RAD17: variants seen among roughly 807,000 people sequenced by gnomAD.
RAD17 encodes the protein RAD17 checkpoint clamp loader component, also known as cell cycle checkpoint protein RAD17.
Under a neutral mutation model 81.5 loss-of-function variants are expected in RAD17, and 31 were observed. The observed-to-expected ratio is 0.38, with a 90% CI of 0.29 to 0.51. RAD17 has a LOEUF of 0.51. Among genes scored for constraint, RAD17 ranks in the 20% least tolerant of loss-of-function variants. RAD17 has a pLI of 0.88. For missense variants in RAD17, 681 were observed against 781.2 expected, an observed-to-expected ratio of 0.87 and a Z score of 1.53; for synonymous variants, 261 against 266.2, an observed-to-expected ratio of 0.98 and a Z score of 0.19.
intron 12 of RAD17, among the ~76,000 whole-genome samples, chr5:69,390,955 A>AT (rs928397882): frequency 6.7e-6 from 1 of 148,770 alleles, no homozygotes; most frequent in Non-Finnish European, 1.5e-5. Context: ...CCTGTGTCAA[A>AT]AAAAAAAAAA....
intron 7 of RAD17, among the ~76,000 whole-genome samples, 182 bp downstream of exon 7, chr5:69,382,239 A>G (rs1309139268): frequency 1.3e-5 from 2 of 152,148 alleles, no homozygotes; most frequent in Non-Finnish European, 1.5e-5. Flanking sequence ...GCTTCAGGCC[A>G]GGAGTTAAAG....
At chr5:69,390,657 C>T (rs1764494144) in intron 12 of RAD17, among the ~76,000 whole-genome samples, 1 of 152,062 alleles carries the variant, frequency 6.6e-6, no homozygotes, top group Non-Finnish European at 1.5e-5. Flanking sequence ...ATTTCATTAA[C>T]TGTCTAATAA....
At chr5:69,398,050 G>A (rs1262890341) in intron 16 of RAD17, among the ~76,000 whole-genome samples, 1 of 152,078 alleles carries the variant, frequency 6.6e-6, no homozygotes, top group African/African-American at 2.4e-5. Context: ...CCAGGAGGCG[G>A]AGCTTGCAGT....
In RAD17 at chr5:69,377,479, A is replaced by G. The variant is rs1561238922; in HGVS notation, c.351+2768A>G. Among the ~76,000 whole-genome samples the G allele has an allele frequency of 2.6e-3, 69 of 26,512 alleles. 19 individuals carry two copies. The highest frequency in any genetic ancestry group is 5.4e-3 in the African/African-American group (50 of 9,306). The allele number at this position is 26,512 out of a possible 152,430, so 17.4% of individuals were successfully genotyped here. On this transcript the variant is annotated intron_variant, in intron 6 of 18. Transcript: ENST00000354868. ...TATATATATATATATATATATACAC[A>G]CACACACATATATATACGTATATAT...
At chr5:69,410,965 CTATATATATATATATATA>C (rs1554044686) in intron 18 of RAD17, among the ~76,000 whole-genome samples, 4 of 90,264 alleles carry the variant, frequency 4.4e-5, no homozygotes, top group Non-Finnish European at 6.1e-5. Context: ...AGATGTCTGT[CTATATATATATATATATA>C]TATATATATA....
chr5:69,392,349 A>G (rs574382076), intron 13 of RAD17, among the ~76,000 whole-genome samples: 75 of 152,314 alleles, frequency 4.9e-4, no homozygotes, highest in Non-Finnish European at 6.6e-4. Context: ...GCTCCAGCCA[A>G]CAGAGCCTTA....
At chr5:69,404,281 C>T (rs1231120621) in intron 17 of RAD17, among the ~76,000 whole-genome samples, 2 of 152,070 alleles carry the variant, frequency 1.3e-5, no homozygotes, top group Non-Finnish European at 2.9e-5. Context: ...AGCCTCTGCA[C>T]AGCAAAGGAA....
At chr5:69,373,345 C>G (rs1020676775) in intron 4 of RAD17, among the ~76,000 whole-genome samples, 5 of 152,100 alleles carry the variant, frequency 3.3e-5, no homozygotes, top group South Asian at 2.1e-4. Flanking sequence ...TGCACTTGCA[C>G]TTACTGTAAA....
intron 11 of RAD17, among the ~76,000 whole-genome samples, chr5:69,387,190 C>A (rs1264728026): frequency 6.6e-6 from 1 of 152,026 alleles, no homozygotes; most frequent in East Asian, 1.9e-4. Context: ...TCTGAAAGTG[C>A]TGAGATTTCA....
chr5:69,369,594 C>G, upstream of RAD17: 1 of 1,595,660 alleles, frequency 6.3e-7, no homozygotes, highest in Non-Finnish European at 8.5e-7. Flanking sequence ...GCCCCAAAGG[C>G]CCCGAAGCCC....
chr5:69,371,243 C>CT, intron 2 of RAD17, 72 bp downstream of exon 2: 1 of 541,750 alleles, frequency 1.8e-6, no homozygotes, highest in Non-Finnish European at 3.4e-6. Context: ...GTGAAAAACT[C>CT]TTAACACCAC....
intron 18 of RAD17, among the ~76,000 whole-genome samples, chr5:69,413,681 C>T (rs556837163): frequency 3.6e-4 from 55 of 152,138 alleles, no homozygotes; most frequent in South Asian, 1.0e-3. Flanking sequence ...ATTACAGATG[C>T]GTGCCACCAC....
intron 7 of RAD17, among the ~76,000 whole-genome samples, chr5:69,382,267 A>G (rs1163416816): frequency 1.3e-5 from 2 of 152,088 alleles, no homozygotes; most frequent in Admixed American, 6.6e-5. Context: ...TGGGCAACAT[A>G]CAAAGAACCT....
chr5:69,386,613 G>T, intron 11 of RAD17, 148 bp downstream of exon 11: 3 of 1,034,502 alleles, frequency 2.9e-6, no homozygotes, highest in Non-Finnish European at 3.8e-6. Flanking sequence ...AGCAAATGTA[G>T]GAAATACTGA....
intron 17 of RAD17, among the ~76,000 whole-genome samples, chr5:69,410,238 C>T (rs1303951551): frequency 6.6e-6 from 1 of 152,176 alleles, no homozygotes; most frequent in Non-Finnish European, 1.5e-5. Context: ...ATACTGTTTT[C>T]CACAGCAGCT....
chr5:69,392,366 T>C (rs1346083820), intron 13 of RAD17, among the ~76,000 whole-genome samples: 1 of 152,218 alleles, frequency 6.6e-6, no homozygotes, highest in Non-Finnish European at 1.5e-5. Context: ...CTTATACAAA[T>C]TACCAGGTAG....
intron 17 of RAD17, among the ~76,000 whole-genome samples, chr5:69,406,162 G>T (rs1460006146): frequency 1.3e-5 from 2 of 152,052 alleles, no homozygotes; most frequent in African/African-American, 4.8e-5. Flanking sequence ...TTGTCCATTG[G>T]ATGAGGAAAA....
In RAD17 at chr5:69,386,267, C is replaced by T; in HGVS notation, c.786C>T (p.Pro262=). ...ATAATAATCAAAGGTTATTGTTTCC[C>T]AAAGAAATTCAGGAAGAGTGTTCTA... The part of the protein sequence containing the change: ...SGDNNQRLLF[P]KEIQEECSIS... Residue 262 remains proline (P), a synonymous_variant, in exon 10 of 19, where the codon CCC becomes CCT. Transcript: ENST00000354868. 6.2e-7 allele frequency: 1 copy of T among 1,604,450 alleles called. No individual in the cohort carries two copies. Among genetic ancestry groups the T allele is most frequent in the Non-Finnish European group, 8.5e-7 (1 of 1,174,574 alleles).
chr5:69,374,322 T>G (rs1763204980), intron 5 of RAD17, among the ~76,000 whole-genome samples: 1 of 152,208 alleles, frequency 6.6e-6, no homozygotes. Flanking sequence ...GAATTGATCT[T>G]TTTAAAAATT....
Sources: gnomAD v4.1 joint callset for allele counts (sites outside exome capture counted in the v4.1 genomes callset) on GRCh38, gnomAD v4.1.1 for gene constraint, MANE v1.5 for transcripts, NCBI Gene and HGNC (gene_info 2026-07-23, HGNC 2026-07-21) for gene names.